MAGI2: variants seen among roughly 807,000 people sequenced by gnomAD.
The protein encoded by MAGI2 is membrane-associated guanylate kinase, WW and PDZ domain-containing protein 2.
MAGI2 carries 35 observed loss-of-function variants against 133.3 expected under a neutral mutation model. The ratio of observed to expected loss-of-function variants is 0.26; its 90% confidence interval spans 0.20 to 0.35. MAGI2 has a LOEUF of 0.35. Ranked by LOEUF, MAGI2 falls within the 10% of genes least tolerant of loss-of-function variation. The pLI is 1.00. For missense variants in MAGI2, 1,636 were observed against 1,863.4 expected (o/e 0.88, Z 2.25); for synonymous variants, 729 against 710.6 (o/e 1.03, Z -0.41).
intron 2 of MAGI2, among the ~76,000 whole-genome samples, chr7:78,797,930 C>A (rs957527634): frequency 6.6e-6 from 1 of 152,114 alleles, no homozygotes; most frequent in African/African-American, 2.4e-5. Context: ...TAATAATGTC[C>A]ATTCTAATTC....
At chr7:78,924,720 G>C (rs1291204118) in intron 2 of MAGI2, among the ~76,000 whole-genome samples, 2 of 152,026 alleles carry the variant, frequency 1.3e-5, no homozygotes, top group Non-Finnish European at 2.9e-5. Flanking sequence ...AAATGAGTTA[G>C]GGAGGATTCC....
chr7:78,761,230 C>T (rs1824474523), intron 2 of MAGI2, among the ~76,000 whole-genome samples: 2 of 152,168 alleles, frequency 1.3e-5, no homozygotes, highest in South Asian at 2.1e-4. Flanking sequence ...GCGTCATTTC[C>T]CTCTCTTTCC....
intron 2 of MAGI2, among the ~76,000 whole-genome samples, chr7:78,796,643 A>C (rs1163912769): frequency 6.6e-6 from 1 of 152,156 alleles, no homozygotes; most frequent in Non-Finnish European, 1.5e-5. Context: ...TATATTCAAA[A>C]GAAAGGTAAT....
At chr7:78,273,278 G>A (rs1317801256) in intron 9 of MAGI2, among the ~76,000 whole-genome samples, 1 of 152,178 alleles carries the variant, frequency 6.6e-6, no homozygotes, top group Admixed American at 6.5e-5. Context: ...CTCTCTTCTG[G>A]CTTGTAGGGT....
At chr7:78,251,115 T>C (rs1792340650) in intron 10 of MAGI2, among the ~76,000 whole-genome samples, 1 of 152,168 alleles carries the variant, frequency 6.6e-6, no homozygotes, top group Non-Finnish European at 1.5e-5. Context: ...ATACCATTAT[T>C]AATAAAGGAC....
intron 1 of MAGI2, among the ~76,000 whole-genome samples, chr7:79,322,501 A>T (rs1029302708): frequency 4.0e-5 from 6 of 151,868 alleles, no homozygotes; most frequent in African/African-American, 1.5e-4. Flanking sequence ...GTCTCATCAG[A>T]TTGCCACAAT....
chr7:78,420,690 T>C (rs1304579930), intron 6 of MAGI2, among the ~76,000 whole-genome samples: 4 of 152,168 alleles, frequency 2.6e-5, no homozygotes, highest in Non-Finnish European at 4.4e-5. Context: ...TTCCATCCCT[T>C]TAATTTAATG....
chr7:78,879,505 A>G (rs184561867), intron 2 of MAGI2, among the ~76,000 whole-genome samples: 131 of 152,206 alleles, frequency 8.6e-4, no homozygotes, highest in Admixed American at 2.6e-3. Context: ...AACATTCTCT[A>G]CAGGCACTCA....
At chr7:78,659,729 G>C (rs778740251) in intron 2 of MAGI2, among the ~76,000 whole-genome samples, 1 of 152,042 alleles carries the variant, frequency 6.6e-6, no homozygotes, top group East Asian at 1.9e-4. Flanking sequence ...CTCTGCCAAG[G>C]TCAATATCTT....
intron 3 of MAGI2, among the ~76,000 whole-genome samples, chr7:78,587,551 A>AT (rs1258625667): frequency 6.6e-6 from 1 of 152,184 alleles, no homozygotes; most frequent in Non-Finnish European, 1.5e-5. Context: ...AAGTGGATAT[A>AT]TTTTTCTGGA....
intron 1 of MAGI2, among the ~76,000 whole-genome samples, chr7:79,075,752 C>T (rs1815407276): frequency 6.6e-6 from 1 of 152,098 alleles, no homozygotes; most frequent in Admixed American, 6.6e-5. Context: ...TGGAGCCAGA[C>T]TCTCTTTCAA....
At chr7:79,449,877 C>CATATACATATATATATATATATATAT (rs1472820472) in intron 1 of MAGI2, among the ~76,000 whole-genome samples, 17 of 120,606 alleles carry the variant, frequency 1.4e-4, no homozygotes, top group African/African-American at 2.7e-4. Flanking sequence ...GAGATATATA[C>CATATACATATATATATATATATATAT]ATATATATAT....
chr7:78,872,619 G>GT (rs559035934), intron 2 of MAGI2, among the ~76,000 whole-genome samples: 4,093 of 143,496 alleles, frequency 0.029, 67 homozygotes, highest in Middle Eastern at 0.047. Context: ...TCCTTACTGA[G>GT]TTTTTTTTTT....
At chr7:78,637,948 C>T (rs1809855450) in intron 2 of MAGI2, among the ~76,000 whole-genome samples, 1 of 152,046 alleles carries the variant, frequency 6.6e-6, no homozygotes, top group African/African-American at 2.4e-5. Flanking sequence ...TATAGTGGCA[C>T]ACATCTTTAG....
chr7:78,421,564 A>G lies in MAGI2; in HGVS notation c.1046-52351T>C, dbSNP rs569311205. Among the ~76,000 whole-genome samples, 23 of 152,360 alleles carry G rather than the reference A, an allele frequency of 1.5e-4. 1 individual carries two copies. In the South Asian group the frequency reaches 4.8e-3, roughly 32 times the overall value. On this transcript the variant is annotated intron_variant, in intron 6 of 21. Transcript: ENST00000354212. ...CATGCTGGCTCACGCCTATAATCCC[A>G]GCACTTTGGGAGGCTAGGCAGGAGG...
chr7:79,039,406 G>A (rs1168853113), intron 1 of MAGI2, among the ~76,000 whole-genome samples: 4 of 151,964 alleles, frequency 2.6e-5, no homozygotes, highest in African/African-American at 9.7e-5. Flanking sequence ...AATATAATGT[G>A]TCATAATTCT....
chr7:78,172,383 T>C (rs1347808641), intron 14 of MAGI2, among the ~76,000 whole-genome samples: 1 of 152,212 alleles, frequency 6.6e-6, no homozygotes, highest in Middle Eastern at 3.2e-3. Flanking sequence ...ACCACACTCC[T>C]GTGCCAAAGA....
intron 3 of MAGI2, among the ~76,000 whole-genome samples, chr7:78,576,758 C>T (rs1802308991): frequency 6.6e-6 from 1 of 152,116 alleles, no homozygotes; most frequent in African/African-American, 2.4e-5. Context: ...ACAGTTTTTC[C>T]TGGGTCTTTG....
chr7:78,131,455 G>T (rs1488558528), intron 18 of MAGI2, among the ~76,000 whole-genome samples: 2 of 152,236 alleles, frequency 1.3e-5, no homozygotes, highest in African/African-American at 4.8e-5. Context: ...TGAACCCAGA[G>T]AGTTCTGGGA....
Sources: gnomAD v4.1 joint callset for allele counts (sites outside exome capture counted in the v4.1 genomes callset) on GRCh38, gnomAD v4.1.1 for gene constraint, MANE v1.5 for transcripts, NCBI Gene and HGNC (gene_info 2026-07-23, HGNC 2026-07-21) for gene names.